The following GRHL3 variants were observed in gnomAD, a reference collection of about 807,000 sequenced individuals.
GRHL3 encodes the protein grainyhead like transcription factor 3, also known as grainyhead-like protein 3 homolog.
In GRHL3, 20 loss-of-function variants were observed where a neutral mutation model predicts 70.3. The observed-to-expected ratio is 0.28, with a 90% CI of 0.20 to 0.41. GRHL3 has a LOEUF of 0.41. Ranked by LOEUF, GRHL3 falls within the 10% of genes least tolerant of loss-of-function variation. The probability of loss-of-function intolerance (pLI) is 1.00; values close to 1 mark genes in which losing one functional copy is unlikely to be tolerated. For synonymous variants in GRHL3, 299 were observed against 299.9 expected, an observed-to-expected ratio of 1.00 and a Z score of 0.03; for missense variants, 637 against 762.3, an observed-to-expected ratio of 0.84 and a Z score of 1.94.
chr1:24,360,148 A>G (rs1360736725), downstream of GRHL3, among the ~76,000 whole-genome samples: 1 of 152,220 alleles, frequency 6.6e-6, no homozygotes. Context: ...TATTTTTAAG[A>G]AAAAGAACTT....
chr1:24,344,357 G>A (rs1464295061), intron 11 of GRHL3, among the ~76,000 whole-genome samples: 2 of 152,210 alleles, frequency 1.3e-5, no homozygotes, highest in East Asian at 3.9e-4. Context: ...CAGGCTTAGT[G>A]GCACACACCT....
At chr1:24,355,359 G>A (rs1640677860), downstream of GRHL3, 1 of 152,530 alleles carries the variant, frequency 6.6e-6, no homozygotes. Context: ...GAGTCTGCTG[G>A]AAAGAGATGG....
intron 1 of GRHL3, among the ~76,000 whole-genome samples, chr1:24,329,503 T>A (rs903266527): frequency 5.9e-5 from 9 of 152,234 alleles, no homozygotes; most frequent in African/African-American, 1.9e-4. Flanking sequence ...GGCAAGTGTG[T>A]GCCTTTGTGC....
In GRHL3 at chr1:24,328,617, C is replaced by CAGATTGA. The variant is rs544458528; in HGVS notation, c.18-2809_18-2808insAGATTGA. On this transcript the variant is annotated intron_variant, in intron 1 of 15. Coordinates refer to ENST00000361548, the MANE Select transcript of GRHL3 (RefSeq NM_198173.3). ...AGCATCAAAGCTGATAATGGTCAAC[C>CAGATTGA]CCTAGAGTCAGCAGATTGGGGCTCC... 1.0e-3 allele frequency among the ~76,000 whole-genome samples: 153 copies of CAGATTGA among 152,270 alleles called. 1 individual carries two copies. Among genetic ancestry groups the CAGATTGA allele is most frequent in the African/African-American group, 3.6e-3 (148 of 41,550 alleles).
intron 11 of GRHL3, among the ~76,000 whole-genome samples, chr1:24,343,597 T>C (rs1232729086): frequency 6.6e-6 from 1 of 152,122 alleles, no homozygotes; most frequent in Non-Finnish European, 1.5e-5. Flanking sequence ...CAGCCGGGAC[T>C]GAGCGCCTGG....
rs779025609 is a variant in GRHL3 at position 24,336,671 on chromosome 1, C to T, written c.456C>T (p.Pro152=). Reference sequence around the variant, plus strand: ...AGGCAGCTCCCCTCCCTGCAGGCCCCAGCAAGCTGGAGGCCGGCTCTGTGG... The same window carrying T: ...AGGCAGCTCCCCTCCCTGCAGGCCCTAGCAAGCTGGAGGCCGGCTCTGTGG... ...PGKAAPLPAG[P]SKLEAGSVDS... is the part of the protein sequence containing the mutation. The change falls in exon 4 of 16, where the codon CCC becomes CCT. Residue 152 remains proline, a synonymous_variant. Coordinates refer to ENST00000361548, the MANE Select transcript of GRHL3 (RefSeq NM_198173.3). 1.6e-5 allele frequency: 26 copies of T among 1,614,068 alleles called. No homozygotes were observed. In the South Asian group the frequency reaches 2.9e-4, roughly 18 times the overall value.
chr1:24,340,822 G>T (rs1640008297), intron 8 of GRHL3, among the ~76,000 whole-genome samples: 1 of 152,184 alleles, frequency 6.6e-6, no homozygotes, highest in African/African-American at 2.4e-5. Flanking sequence ...GCTGGAGGAG[G>T]AGCTGGGGCC....
At position 24,336,534 on chromosome 1, in the gene GRHL3, A is replaced by G. The variant is rs1436653299; in HGVS notation, c.319A>G (p.Thr107Ala). Residue 107 changes from threonine (T) to alanine (A), a missense_variant, in exon 4 of 16, where the codon ACA (threonine) becomes GCA (alanine). By Grantham distance (58) the Thr-to-Ala change is moderately conservative. This residue lies in a region of GRHL3 where 250 missense variants were observed against 248.6 expected (regional missense o/e 1.01). Transcript: ENST00000361548. Reference protein sequence around the residue: ...ETDLTPLESPTHLMKFLTENV... With the variant: ...ETDLTPLESPAHLMKFLTENV... ...GGACCTCACTCCCCTTGAAAGCCCC[A>G]CACACCTCATGAAATTCCTGACAGA... 1.9e-6 allele frequency: 3 copies of G among 1,612,648 alleles called. No individual in the cohort carries two copies. The highest frequency in any genetic ancestry group is 1.7e-6 in the Non-Finnish European group (2 of 1,179,360).
chr1:24,353,125 C>A (rs901347069), intron 15 of GRHL3, among the ~76,000 whole-genome samples: 2 of 152,196 alleles, frequency 1.3e-5, no homozygotes, highest in African/African-American at 2.4e-5. Flanking sequence ...AGGTTCAAAT[C>A]CCAGCCCTGC....
At chr1:24,347,926 T>C (rs929524472) in intron 14 of GRHL3, among the ~76,000 whole-genome samples, 20 of 152,308 alleles carry the variant, frequency 1.3e-4, no homozygotes, top group African/African-American at 4.3e-4. Flanking sequence ...GGGGGCCTCA[T>C]TCTGCCTGCT....
Position 24,338,103 on chromosome 1 carries a change from G to A in GRHL3, c.952G>A (p.Ala318Thr). The A allele has an allele frequency of 6.3e-7, 1 of 1,595,282 alleles. No homozygotes were observed. The highest frequency in any genetic ancestry group is 8.5e-7 in the Non-Finnish European group (1 of 1,169,616). The change falls in exon 7 of 16, where the codon GCT (alanine) becomes ACT (threonine). Residue 318 changes from alanine (A) to threonine (T), a missense_variant and splice_region_variant. Ala to Thr is a moderately conservative substitution (Grantham distance 58, BLOSUM62 0). This residue lies in a region of GRHL3 where 387 missense variants were observed against 513.8 expected (regional missense o/e 0.75). Transcript: ENST00000361548. ...PTAKQRVIDV[A>T]DCKENFNTVE... ...TGCCAAGCAGCGGGTCATTGACGTG[G>A]GTGAGAGCCTTCTCAAGCCTCCATT...
chr1:24,360,492 T>C (rs371739148), intron 15 of GRHL3, among the ~76,000 whole-genome samples: 2 of 152,234 alleles, frequency 1.3e-5, no homozygotes, highest in East Asian at 3.9e-4. Context: ...GAAAAAGAAC[T>C]TTTCTGACAC....
chr1:24,347,587 G>A, intron 14 of GRHL3, 34 bp downstream of exon 14: 1 of 1,512,466 alleles, frequency 6.6e-7, no homozygotes, highest in Non-Finnish European at 9.2e-7. Context: ...CCCCATGGCA[G>A]ACCCCCTCTA....
chr1:24,362,530 A>G (rs1456974535), intron 15 of GRHL3, among the ~76,000 whole-genome samples: 1 of 152,242 alleles, frequency 6.6e-6, no homozygotes, highest in Non-Finnish European at 1.5e-5. Flanking sequence ...TAACTTTATA[A>G]AGGAGTTACA....
chr1:24,343,175 T>C (rs1640117972), intron 11 of GRHL3, 150 bp downstream of exon 11: 1 of 750,352 alleles, frequency 1.3e-6, no homozygotes, highest in Non-Finnish European at 2.2e-6. Context: ...AACATGTATA[T>C]ATGGTCCTAT....
intron 14 of GRHL3, among the ~76,000 whole-genome samples, chr1:24,348,474 C>T (rs975745077): frequency 2.0e-5 from 3 of 152,178 alleles, no homozygotes; most frequent in African/African-American, 7.2e-5. Flanking sequence ...GGCATCAGCC[C>T]CAGGAAGCTG....
intron 1 of GRHL3, among the ~76,000 whole-genome samples, chr1:24,328,759 CTTGTT>C (rs1639486806): frequency 6.6e-6 from 1 of 152,202 alleles, no homozygotes; most frequent in Admixed American, 6.5e-5. Flanking sequence ...GAATTACACA[CTTGTT>C]TTGTGCCAGT....
intron 8 of GRHL3, among the ~76,000 whole-genome samples, chr1:24,341,567 G>A (rs537721484): frequency 6.6e-6 from 1 of 152,200 alleles, no homozygotes; most frequent in Non-Finnish European, 1.5e-5. Flanking sequence ...CTCCCTTGCT[G>A]TATGTGGGGT....
In GRHL3 at chr1:24,319,429, A is replaced by T; in HGVS notation, c.-123A>T. On this transcript the variant is annotated 5_prime_UTR_variant, in exon 1 of 16. Coordinates refer to ENST00000361548, the MANE Select transcript of GRHL3 (RefSeq NM_198173.3). ...GAACCTACCTGTCAGCAAAATCTCG[A>T]CACCCAAACCTCAACATAAATCAAA... 9.1e-7 allele frequency: 1 copy of T among 1,094,600 alleles called. No homozygotes were observed. Among genetic ancestry groups the T allele is most frequent in the Non-Finnish European group, 1.4e-6 (1 of 713,018 alleles). 67.8% of individuals were successfully genotyped at this position (1,094,600 alleles called of 1,614,324 possible).
Sources: gnomAD v4.1 joint callset for allele counts (sites outside exome capture counted in the v4.1 genomes callset) on GRCh38, gnomAD v4.1.1 for gene constraint, gnomAD v4.1.1 regional missense constraint, MANE v1.5 for transcripts, NCBI Gene and HGNC (gene_info 2026-07-23, HGNC 2026-07-21) for gene names.